LRRC27: variants seen among roughly 807,000 people sequenced by gnomAD.
LRRC27 encodes the protein leucine rich repeat containing 27, also known as leucine-rich repeat-containing protein 27.
Under a neutral mutation model 55.0 loss-of-function variants are expected in LRRC27, and 57 were observed. The ratio of observed to expected loss-of-function variants is 1.04; its 90% CI spans 0.84 to 1.29. The LOEUF (loss-of-function observed/expected upper bound fraction) is 1.29, where lower values mean the gene tolerates loss of function less well. Among genes scored for constraint, LRRC27 ranks in the 50% most tolerant of loss-of-function variants. The pLI is 0.00. For missense variants in LRRC27, 721 were observed against 651.5 expected, an observed-to-expected ratio of 1.11 and a Z score of -1.16; for synonymous variants, 278 against 251.9, an observed-to-expected ratio of 1.10 and a Z score of -0.98.
Position 132,379,205 on chromosome 10 carries a change from T to G in LRRC27, c.*3963T>G, listed in dbSNP as rs549616872. On this transcript the variant is annotated 3_prime_UTR_variant, in exon 11 of 11. Transcript: ENST00000368614. ...CATCCTGCTCCTCTCCAGAGTTTCC[T>G]CTCACCTCCGTGTTCTCGGGGAGTG... The G allele has an allele frequency of 2.4e-4, 34 of 144,278 alleles. No homozygotes were observed. Among genetic ancestry groups the G allele is most frequent in the Admixed American group, 2.2e-3 (32 of 14,288 alleles). 8.9% of individuals were successfully genotyped at this position (144,278 alleles called of 1,614,324 possible). A position where few individuals can be genotyped will look rare whatever the true frequency, so the allele number is the denominator to read the frequency against.
At chr10:132,363,631 G>T (rs1325896830) in intron 9 of LRRC27, among the ~76,000 whole-genome samples, 3 of 152,180 alleles carry the variant, frequency 2.0e-5, no homozygotes, top group Non-Finnish European at 4.4e-5. Context: ...GCTCGCTGTG[G>T]CTCTCACTGA....
chr10:132,365,232 G>C (rs1174883870), intron 9 of LRRC27, among the ~76,000 whole-genome samples, 192 bp from the exon 10 acceptor site: 2 of 152,264 alleles, frequency 1.3e-5, no homozygotes, highest in African/African-American at 4.8e-5. Flanking sequence ...CCCCCGGCGT[G>C]AGTCTGGAGG....
At chr10:132,346,105 G>A (rs949236295) in intron 5 of LRRC27, among the ~76,000 whole-genome samples, 1 of 152,184 alleles carries the variant, frequency 6.6e-6, no homozygotes, top group Non-Finnish European at 1.5e-5. Flanking sequence ...AGTGTTTTAG[G>A]AAATGCATGA....
chr10:132,354,478 G>C (rs549389254), intron 7 of LRRC27, among the ~76,000 whole-genome samples: 5 of 152,176 alleles, frequency 3.3e-5, no homozygotes, highest in African/African-American at 1.2e-4. Context: ...GGGGACACGG[G>C]GGGCACCACC....
In LRRC27 at chr10:132,381,189, G is replaced by A. The variant is rs1435170297; in HGVS notation, c.*5947G>A. On this transcript the variant is annotated 3_prime_UTR_variant, in exon 11 of 11. Coordinates refer to ENST00000368614, the MANE Select transcript of LRRC27 (RefSeq NM_030626.3). ...GCATGGCTGGAAAAAGCAGGCAGAA[G>A]AAGGTGGCTGAAGCTGACTGGCTGA... 6.6e-6 allele frequency among the ~76,000 whole-genome samples: 1 copy of A among 152,272 alleles called. No individual in the cohort carries two copies. Among genetic ancestry groups the A allele is most frequent in the African/African-American group, 2.4e-5 (1 of 41,478 alleles).
At chr10:132,342,351 A>G (rs1047894714) in intron 4 of LRRC27, 80 bp downstream of exon 4, 51 of 896,162 alleles carry the variant, frequency 5.7e-5, no homozygotes, top group Non-Finnish European at 7.9e-5. Flanking sequence ...AGTATCAGGC[A>G]TGACAAAGGA....
rs1465183758 is a variant in LRRC27, at chr10:132,379,542, A to C, written c.*4300A>C. On this transcript the variant is annotated 3_prime_UTR_variant, in exon 11 of 11. Coordinates refer to ENST00000368614, the MANE Select transcript of LRRC27 (RefSeq NM_030626.3). ...CTCGTGCATGCCATCCACCTTTTCCACTAGATCCTTTTACATCATCATTAT... is the reference window on the plus strand; with the variant it reads ...CTCGTGCATGCCATCCACCTTTTCCCCTAGATCCTTTTACATCATCATTAT... 3.3e-5 allele frequency: 5 copies of C among 151,680 alleles called. No homozygotes were observed. The allele number at this position is 151,680 out of a possible 1,614,324, so 9.4% of individuals were successfully genotyped here. A position where few individuals can be genotyped will look rare whatever the true frequency, so the allele number is the denominator to read the frequency against.
At chr10:132,358,598 A>G (rs111217800) in intron 8 of LRRC27, among the ~76,000 whole-genome samples, 271 of 21,462 alleles carry the variant, frequency 0.013, no homozygotes, top group Non-Finnish European at 0.021. Context: ...GGAGCAGCGT[A>G]GGGAGGAGCC....
intron 4 of LRRC27, among the ~76,000 whole-genome samples, chr10:132,344,086 A>G (rs182428783): frequency 2.6e-5 from 4 of 152,282 alleles, no homozygotes; most frequent in African/African-American, 9.6e-5. Flanking sequence ...GTTAAACCCA[A>G]CATCTGGGCC....
chr10:132,355,262 A>G (rs1270683727), intron 7 of LRRC27, among the ~76,000 whole-genome samples: 1 of 152,140 alleles, frequency 6.6e-6, no homozygotes, highest in Non-Finnish European at 1.5e-5. Context: ...TTTTTAGTAG[A>G]GATGGGGTTT....
rs534259426 is a variant in LRRC27 at position 132,364,428 on chromosome 10, C to T, written c.1290-996C>T. Among the ~76,000 whole-genome samples, 17 of 147,232 alleles carry T rather than the reference C, an allele frequency of 1.2e-4. 1 individual carries two copies. The highest frequency in any genetic ancestry group is 6.3e-4 in the South Asian group (3 of 4,790). On this transcript the variant is annotated intron_variant, in intron 9 of 10. Transcript: ENST00000368614. Reference sequence around the variant, plus strand: ...ACCTCCACACCCGCGCTTACACCCACGCTTACATCTACCTCCACACCCACA... The same window carrying T: ...ACCTCCACACCCGCGCTTACACCCATGCTTACATCTACCTCCACACCCACA...
chr10:132,337,122 G>C, intron 2 of LRRC27: 10 of 1,211,302 alleles, frequency 8.3e-6, no homozygotes, highest in African/African-American at 6.4e-5. Context: ...TTTAATGATT[G>C]AGTTGGGCTG....
At chr10:132,332,002 C>T (rs894388661), upstream of LRRC27, among the ~76,000 whole-genome samples, 2 of 149,514 alleles carry the variant, frequency 1.3e-5, no homozygotes, top group Non-Finnish European at 3.0e-5. Flanking sequence ...ACACCCGACC[C>T]CCTGCCGCGC....
Position 132,333,590 on chromosome 10 carries a change from T to G in LRRC27, c.66T>G (p.Gly22=), listed in dbSNP as rs763243847. The G allele has an allele frequency of 1.9e-6, 3 of 1,612,170 alleles. No homozygotes were observed. The highest frequency in any genetic ancestry group is 3.3e-5 in the Admixed American group (2 of 59,980). The part of the protein sequence containing the change: ...VAAADLEEGA[G]QTRSLPATPS... ...CTGCTGATCTGGAGGAGGGTGCTGG[T>G]CAGACTAGGAGCTTGCCTGCCACCC... Residue 22 remains glycine, a synonymous_variant, in exon 2 of 11, where the codon GGT becomes GGG. Coordinates refer to ENST00000368614, the MANE Select transcript of LRRC27 (RefSeq NM_030626.3).
chr10:132,333,163 T>C (rs1204638804), intron 1 of LRRC27, among the ~76,000 whole-genome samples: 1 of 152,192 alleles, frequency 6.6e-6, no homozygotes, highest in Admixed American at 6.5e-5. Flanking sequence ...AGCGTTGCAG[T>C]TGATTTACAG....
At chr10:132,364,447 ACCC>A (rs2068855689) in intron 9 of LRRC27, among the ~76,000 whole-genome samples, 3 of 74,886 alleles carry the variant, frequency 4.0e-5, no homozygotes, top group African/African-American at 6.0e-5. Flanking sequence ...CTACCTCCAC[ACCC>A]ACACTCACAC....
chr10:132,331,378 C>T, upstream of LRRC27: 1 of 1,532,422 alleles, frequency 6.5e-7, no homozygotes, highest in East Asian at 2.3e-5. Flanking sequence ...CCTCCCCTCC[C>T]GCCCGGTGTC....
intron 7 of LRRC27, among the ~76,000 whole-genome samples, chr10:132,352,212 G>A (rs1406392739): frequency 3.6e-5 from 4 of 111,800 alleles, no homozygotes; most frequent in Admixed American, 8.7e-5. Flanking sequence ...TGAGGCCTCC[G>A]TGTGGGGCAG....
chr10:132,355,703 C>A, intron 7 of LRRC27, 87 bp from the exon 8 acceptor site: 1 of 1,046,746 alleles, frequency 9.6e-7, no homozygotes, highest in African/African-American at 1.6e-5. Context: ...GACAGGTGCA[C>A]CGCAAGGCTG....
Sources: allele counts gnomAD v4.1 joint callset (sites outside exome capture counted in the v4.1 genomes callset), GRCh38; gene constraint gnomAD v4.1.1; transcripts MANE v1.5; gene names NCBI Gene and HGNC (gene_info 2026-07-23, HGNC 2026-07-21).